Variants in SEMA3A observed in about 807,000 individuals in gnomAD.
The protein encoded by SEMA3A is semaphorin-3A.
A neutral mutation model predicts 97.9 loss-of-function variants in SEMA3A; 29 were observed. The ratio of observed to expected loss-of-function variants is 0.30; its 90% CI spans 0.22 to 0.40. The LOEUF (loss-of-function observed/expected upper bound fraction) is 0.40, where lower values mean the gene tolerates loss of function less well. Ranked by LOEUF, SEMA3A falls within the 10% of genes least tolerant of loss-of-function variation. The probability of loss-of-function intolerance (pLI) is 1.00; values close to 1 mark genes in which losing one functional copy is unlikely to be tolerated. For synonymous variants in SEMA3A, 321 were observed against 323.7 expected (o/e 0.99, Z 0.09); for missense variants, 763 against 951.3 (o/e 0.80, Z 2.60).
At chr7:84,277,835 G>A (rs1800346322) in intron 3 of SEMA3A, among the ~76,000 whole-genome samples, 1 of 152,040 alleles carries the variant, frequency 6.6e-6, no homozygotes, top group African/African-American at 2.4e-5. Context: ...AAATGCCTTG[G>A]AGGCCTTTTT....
In SEMA3A at chr7:84,357,772, T is replaced by G. The variant is rs1195064589; in HGVS notation, c.-169+14052A>C. On this transcript the variant is annotated intron_variant, in intron 2 of 3. Coordinates refer to the SEMA3A transcript ENST00000424555. ...CACCAACAGTGTAAAAGTGATCGTATTTCTCCACATCCTCTCCAGCACCTG... is the reference window on the plus strand; with the variant it reads ...CACCAACAGTGTAAAAGTGATCGTAGTTCTCCACATCCTCTCCAGCACCTG... Among the ~76,000 whole-genome samples the G allele has an allele frequency of 1.2e-4, 18 of 151,920 alleles. No homozygotes were observed. The South Asian group carries it at 2.9e-3, about 25-fold the overall frequency.
chr7:84,394,675 C>A (rs771991453), intron 1 of SEMA3A, among the ~76,000 whole-genome samples: 4 of 151,868 alleles, frequency 2.6e-5, no homozygotes, highest in African/African-American at 4.8e-5. Context: ...AGATGAAAAG[C>A]AATATTCATA....
chr7:83,996,828 A>C (rs1790242807), intron 12 of SEMA3A, among the ~76,000 whole-genome samples: 2 of 152,132 alleles, frequency 1.3e-5, no homozygotes, highest in South Asian at 4.1e-4. Context: ...TAGCAAATCA[A>C]AGACATTTCT....
At chr7:84,403,108 C>A (rs970044497) in intron 1 of SEMA3A, among the ~76,000 whole-genome samples, 2 of 152,078 alleles carry the variant, frequency 1.3e-5, no homozygotes, top group Admixed American at 6.6e-5. Flanking sequence ...CATCGCCTCA[C>A]CCGGGAAGCA....
intron 3 of SEMA3A, among the ~76,000 whole-genome samples, chr7:84,224,025 G>C (rs1431909741): frequency 6.6e-6 from 1 of 151,674 alleles, no homozygotes; most frequent in East Asian, 1.9e-4. Context: ...TTTAAAAAGG[G>C]GTTAATAGGA....
chr7:84,334,380 C>T (rs982531064), intron 2 of SEMA3A, among the ~76,000 whole-genome samples: 1 of 151,908 alleles, frequency 6.6e-6, no homozygotes, highest in Non-Finnish European at 1.5e-5. Context: ...TTTCATGTAA[C>T]CTGAGATGAG....
intron 3 of SEMA3A, among the ~76,000 whole-genome samples, chr7:84,279,666 C>G (rs778363620): frequency 1.3e-5 from 2 of 152,026 alleles, no homozygotes; most frequent in African/African-American, 2.4e-5. Flanking sequence ...AGTTTGAATG[C>G]TTTCCAAATA....
intron 1 of SEMA3A, among the ~76,000 whole-genome samples, chr7:84,372,511 G>A (rs187829493): frequency 6.6e-6 from 1 of 152,192 alleles, no homozygotes; most frequent in Non-Finnish European, 1.5e-5. Context: ...CATGGCAAGA[G>A]GTTGAGTGGG....
At chr7:84,153,736 A>T (rs769912034) in intron 1 of SEMA3A, among the ~76,000 whole-genome samples, 1 of 152,044 alleles carries the variant, frequency 6.6e-6, no homozygotes, top group African/African-American at 2.4e-5. Context: ...TTTTATTTCC[A>T]CTCTTGCTTC....
intron 2 of SEMA3A, among the ~76,000 whole-genome samples, chr7:84,132,662 GTTTTTTTTTTTTTTTTTTT>G (rs55830654): frequency 2.3e-5 from 2 of 86,630 alleles, no homozygotes; most frequent in Non-Finnish European, 4.4e-5. Context: ...TCGACTTGGT[GTTTTTTTTTTTTTTTTTTT>G]TTTTTTTTTT....
At chr7:84,143,920 ATCTCTCTC>A (rs142920312) in intron 1 of SEMA3A, among the ~76,000 whole-genome samples, 85 of 128,696 alleles carry the variant, frequency 6.6e-4, no homozygotes, top group African/African-American at 6.5e-4. Context: ...TACTGTCCTA[ATCTCTCTC>A]TCTCTCTCTC....
intron 3 of SEMA3A, among the ~76,000 whole-genome samples, chr7:84,302,243 T>C (rs201679815): frequency 3.9e-5 from 5 of 129,700 alleles, no homozygotes; most frequent in African/African-American, 8.4e-5. Flanking sequence ...AAGGAAAGAG[T>C]TAGGAATAAT....
intron 1 of SEMA3A, among the ~76,000 whole-genome samples, chr7:84,153,941 G>A (rs904258349): frequency 5.3e-5 from 8 of 151,978 alleles, no homozygotes; most frequent in African/African-American, 1.5e-4. Flanking sequence ...TTATGGAGAC[G>A]TTCCATAAAA....
At chr7:84,487,122 A>T (rs1428599207) in intron 1 of SEMA3A, among the ~76,000 whole-genome samples, 1 of 152,160 alleles carries the variant, frequency 6.6e-6, no homozygotes, top group Non-Finnish European at 1.5e-5. Flanking sequence ...ACCCATGCTT[A>T]AAAAAATGGG....
chr7:84,207,357 A>T (rs182322328), intron 3 of SEMA3A, among the ~76,000 whole-genome samples: 166 of 152,356 alleles, frequency 1.1e-3, no homozygotes, highest in African/African-American at 3.9e-3. Flanking sequence ...GTAGGATTTA[A>T]AACAAATTCT....
intron 4 of SEMA3A, among the ~76,000 whole-genome samples, chr7:84,083,644 G>T (rs576681572): frequency 6.6e-6 from 1 of 151,988 alleles, no homozygotes; most frequent in African/African-American, 2.4e-5. Flanking sequence ...ACCATCACCA[G>T]ATTTCTTTTA....
chr7:84,254,211 G>A (rs116619036), intron 3 of SEMA3A, among the ~76,000 whole-genome samples: 1,955 of 152,214 alleles, frequency 0.013, 41 homozygotes, highest in African/African-American at 0.044. Flanking sequence ...GTGACTATTG[G>A]GATTTGGTTA....
At chr7:84,455,600 CT>C (rs35183552) in intron 1 of SEMA3A, among the ~76,000 whole-genome samples, 2 of 151,850 alleles carry the variant, frequency 1.3e-5, no homozygotes, top group Admixed American at 6.6e-5. Context: ...CATTTGAAGA[CT>C]TTTTTTCAGA....
intron 6 of SEMA3A, among the ~76,000 whole-genome samples, chr7:84,025,642 C>CT (rs397818324): frequency 6.6e-5 from 10 of 151,498 alleles, no homozygotes; most frequent in Admixed American, 1.3e-4. Context: ...TAGTTTAACC[C>CT]AAGAAAAGTT....
Sources: allele counts gnomAD v4.1 joint callset (sites outside exome capture counted in the v4.1 genomes callset), GRCh38; gene constraint gnomAD v4.1.1; transcripts MANE v1.5; gene names NCBI Gene and HGNC (gene_info 2026-07-23, HGNC 2026-07-21).